ZNF536: variants seen among roughly 807,000 people sequenced by gnomAD.
The protein encoded by ZNF536 is zinc finger protein 536.
A neutral mutation model predicts 84.5 loss-of-function variants in ZNF536; 13 were observed. The observed-to-expected ratio is 0.15, with a 90% confidence interval of 0.10 to 0.24. The LOEUF is 0.24. Ranked by LOEUF, ZNF536 falls within the 10% of genes least tolerant of loss-of-function variation. ZNF536 has a pLI of 1.00. For synonymous variants in ZNF536, 811 were observed against 742.5 expected, an observed-to-expected ratio of 1.09 and a Z score of -1.50; for missense variants, 1,536 against 1,747.5, an observed-to-expected ratio of 0.88 and a Z score of 2.16.
At chr19:30,318,113 G>GT (rs1287172462) in intron 2 of ZNF536, among the ~76,000 whole-genome samples, 1 of 152,180 alleles carries the variant, frequency 6.6e-6, no homozygotes. Flanking sequence ...CAAGGTCCTT[G>GT]TGATCACATT....
chr19:30,423,449 T>A (rs564971361), intron 1 of ZNF536, among the ~76,000 whole-genome samples: 69 of 152,328 alleles, frequency 4.5e-4, no homozygotes, highest in African/African-American at 1.6e-3. Flanking sequence ...TCACAGAGTT[T>A]ATGGCTAATG....
chr19:30,448,892 T>C (rs973895621), intron 2 of ZNF536, among the ~76,000 whole-genome samples: 7 of 152,050 alleles, frequency 4.6e-5, no homozygotes, highest in Admixed American at 1.3e-4. Flanking sequence ...AATCAAACAG[T>C]TATTGCCGAG....
chr19:30,520,981 G>A (rs1389766438), intron 2 of ZNF536, among the ~76,000 whole-genome samples: 3 of 152,330 alleles, frequency 2.0e-5, no homozygotes, highest in Middle Eastern at 3.4e-3. Context: ...ACTCTGCCAC[G>A]CAGGGTTTAA....
intron 3 of ZNF536, among the ~76,000 whole-genome samples, chr19:30,364,598 G>A (rs1300755512): frequency 1.3e-5 from 2 of 152,174 alleles, no homozygotes; most frequent in Non-Finnish European, 2.9e-5. Flanking sequence ...GAGGCTTATA[G>A]TGACTGCAGG....
intron 1 of ZNF536, among the ~76,000 whole-genome samples, chr19:30,662,348 T>A (rs1293872737): frequency 1.3e-5 from 2 of 152,210 alleles, no homozygotes; most frequent in African/African-American, 4.8e-5. Flanking sequence ...TGGGCCCTTG[T>A]GAGGCACAGT....
chr19:30,438,015 A>T (rs1270028616), intron 1 of ZNF536, among the ~76,000 whole-genome samples: 1 of 152,182 alleles, frequency 6.6e-6, no homozygotes, highest in Admixed American at 6.5e-5. Flanking sequence ...GAGTTCTTGC[A>T]GAGGTTATTC....
At chr19:30,473,849 C>G (rs750105625) in intron 2 of ZNF536, among the ~76,000 whole-genome samples, 1 of 152,176 alleles carries the variant, frequency 6.6e-6, no homozygotes, top group Non-Finnish European at 1.5e-5. Context: ...GATGAATGTT[C>G]GTGAAATCAA....
intron 1 of ZNF536, among the ~76,000 whole-genome samples, chr19:30,395,829 T>G (rs1197800780): frequency 6.6e-6 from 1 of 152,222 alleles, no homozygotes; most frequent in Non-Finnish European, 1.5e-5. Flanking sequence ...TTATGTTTTT[T>G]AAGTTAATAA....
chr19:30,431,799 C>T (rs1234066716), intron 1 of ZNF536, among the ~76,000 whole-genome samples: 1 of 152,022 alleles, frequency 6.6e-6, no homozygotes, highest in African/African-American at 2.4e-5. Flanking sequence ...AGGGGCTGTG[C>T]GCTGAGGCTG....
intron 1 of ZNF536, among the ~76,000 whole-genome samples, chr19:30,621,044 T>C (rs1006135550): frequency 6.6e-6 from 1 of 152,102 alleles, no homozygotes; most frequent in Non-Finnish European, 1.5e-5. Context: ...TTGTGATAAA[T>C]AGAAAATAAC....
chr19:30,445,564 C>T lies in ZNF536; in HGVS notation c.2002C>T (p.Leu668=), dbSNP rs2148229782. The T allele has an allele frequency of 6.2e-7, 1 of 1,613,480 alleles. No individual in the cohort carries two copies. The highest frequency in any genetic ancestry group is 8.5e-7 in the Non-Finnish European group (1 of 1,179,778). Residue 668 remains leucine (L), a synonymous_variant, in exon 2 of 5, where the codon CTG becomes TTG. Transcript: ENST00000355537. This position sits in a 1 kb window ranked among gnomAD's most constrained non-coding sequence, Gnocchi z 4.5. ...CGAGGAGGATGGGCTGCACGTGGGCCTGGATGAGCGGCGTGGCTCGGGCAG... is the reference window on the plus strand; with the variant it reads ...CGAGGAGGATGGGCTGCACGTGGGCTTGGATGAGCGGCGTGGCTCGGGCAG... ...KGEEDGLHVG[L]DERRGSGSDQ...
intron 2 of ZNF536, among the ~76,000 whole-genome samples, chr19:30,465,684 A>C (rs1039881837): frequency 6.6e-6 from 1 of 152,176 alleles, no homozygotes; most frequent in Non-Finnish European, 1.5e-5. Context: ...TGAGCCCAGG[A>C]CTTTAAGACC....
intron 1 of ZNF536, among the ~76,000 whole-genome samples, chr19:30,283,509 G>C (rs1463648663): frequency 6.6e-6 from 1 of 152,216 alleles, no homozygotes; most frequent in African/African-American, 2.4e-5. Context: ...TCTGGGTTCG[G>C]GAGAGAGGAC....
intron 2 of ZNF536, among the ~76,000 whole-genome samples, chr19:30,284,859 T>C (rs1012069958): frequency 6.9e-6 from 1 of 145,322 alleles, no homozygotes; most frequent in Non-Finnish European, 1.5e-5. Flanking sequence ...TTTTATGTTG[T>C]ACTGAATATA....
intron 1 of ZNF536, among the ~76,000 whole-genome samples, chr19:30,238,823 TA>T (rs11383447): frequency 0.026 from 3,856 of 145,602 alleles, 164 homozygotes; most frequent in African/African-American, 0.093. Context: ...TGTTCCAAAT[TA>T]AAAAAAAAAT....
intron 2 of ZNF536, among the ~76,000 whole-genome samples, chr19:30,460,545 T>C (rs1242597256): frequency 2.0e-5 from 3 of 152,186 alleles, no homozygotes; most frequent in Non-Finnish European, 4.4e-5. Context: ...GCGAGTTCTT[T>C]GGCCACTTTC....
chr19:30,245,961 T>C (rs989230768), intron 1 of ZNF536, among the ~76,000 whole-genome samples: 1 of 152,218 alleles, frequency 6.6e-6, no homozygotes, highest in African/African-American at 2.4e-5. Flanking sequence ...GAGCCCTGAT[T>C]AACACAGATA....
At chr19:30,674,761 C>T (rs569843328) in intron 1 of ZNF536, among the ~76,000 whole-genome samples, 1 of 152,270 alleles carries the variant, frequency 6.6e-6, no homozygotes, top group African/African-American at 2.4e-5. Context: ...TAAAAGCCTC[C>T]TGTATAGTGT....
intron 1 of ZNF536, among the ~76,000 whole-genome samples, chr19:30,430,131 C>A (rs757428284): frequency 3.9e-5 from 6 of 152,134 alleles, no homozygotes; most frequent in Admixed American, 3.9e-4. Flanking sequence ...GTTCTAGTGA[C>A]CAAACTTCTC....
Sources: allele counts gnomAD v4.1 joint callset (sites outside exome capture counted in the v4.1 genomes callset), GRCh38; gene constraint gnomAD v4.1.1; non-coding constraint Gnocchi (gnomAD v3.1); transcripts MANE v1.5; gene names NCBI Gene and HGNC (gene_info 2026-07-23, HGNC 2026-07-21).